ERGIC2: variants seen among roughly 807,000 people sequenced by gnomAD.
ERGIC2 encodes endoplasmic reticulum-Golgi intermediate compartment protein 2.
ERGIC2 carries 31 observed loss-of-function variants against 52.5 expected under a neutral mutation model. The ratio of observed to expected loss-of-function variants is 0.59; its 90% CI spans 0.44 to 0.80. The LOEUF is 0.80. Ranked by LOEUF, ERGIC2 falls within the 30% of genes least tolerant of loss-of-function variation. The pLI is 0.00. For synonymous variants in ERGIC2, 129 were observed against 140.6 expected, an observed-to-expected ratio of 0.92 and a Z score of 0.58; for missense variants, 395 against 455.2, an observed-to-expected ratio of 0.87 and a Z score of 1.20.
At chr12:29,376,948 T>C (rs999319854) in intron 1 of ERGIC2, among the ~76,000 whole-genome samples, 7 of 152,210 alleles carry the variant, frequency 4.6e-5, no homozygotes, top group Non-Finnish European at 1.0e-4. Context: ...GCCTTTCCTT[T>C]ATGAAATGAT....
intron 1 of ERGIC2, among the ~76,000 whole-genome samples, chr12:29,378,447 A>G (rs895743926): frequency 6.6e-6 from 1 of 152,170 alleles, no homozygotes; most frequent in African/African-American, 2.4e-5. Context: ...AGGCAATATA[A>G]TTCAGGCCAT....
At chr12:29,352,617 T>A (rs1940148174) in intron 8 of ERGIC2, among the ~76,000 whole-genome samples, 1 of 152,152 alleles carries the variant, frequency 6.6e-6, no homozygotes, top group Non-Finnish European at 1.5e-5. Context: ...TGAGCCCAGA[T>A]CACGTCACTG....
intron 3 of ERGIC2, 113 bp from the exon 4 acceptor site, chr12:29,368,400 G>C (rs930546972): frequency 1.7e-6 from 1 of 595,344 alleles, no homozygotes; most frequent in Non-Finnish European, 3.0e-6. Context: ...AAATTATGTC[G>C]ATTAGAACTT....
rs904095107 is a variant in ERGIC2 at position 29,340,519 on chromosome 12, T to C, written c.*637A>G. Reference sequence around the variant, plus strand: ...AATTTACCTTAGTCTTCTAAGACTCTATCTTCAACAGTTAGATAAGTCAAT... The same window carrying C: ...AATTTACCTTAGTCTTCTAAGACTCCATCTTCAACAGTTAGATAAGTCAAT... On this transcript the variant is annotated 3_prime_UTR_variant, in exon 14 of 14. Transcript: ENST00000360150. 7 of 175,470 alleles carry C rather than the reference T, an allele frequency of 4.0e-5. No homozygotes were observed. The highest frequency in any genetic ancestry group is 1.7e-4 in the African/African-American group (7 of 41,620). The allele number at this position is 175,470 out of a possible 1,614,324, so 10.9% of individuals were successfully genotyped here.
intron 5 of ERGIC2, among the ~76,000 whole-genome samples, chr12:29,364,455 C>T (rs886781388): frequency 3.3e-5 from 5 of 152,036 alleles, no homozygotes; most frequent in African/African-American, 1.2e-4. Context: ...CAAAAATTAA[C>T]TCAAGATGGG....
chr12:29,356,980 T>TC (rs1240066525), intron 7 of ERGIC2, among the ~76,000 whole-genome samples: 1 of 152,010 alleles, frequency 6.6e-6, no homozygotes, highest in Non-Finnish European at 1.5e-5. Context: ...TTTTTTTTTT[T>TC]CTTTTGAGAC....
chr12:29,380,215 G>A (rs1020994644), intron 1 of ERGIC2, among the ~76,000 whole-genome samples: 65 of 152,228 alleles, frequency 4.3e-4, no homozygotes, highest in African/African-American at 1.6e-3. Flanking sequence ...AAATAACCAT[G>A]TCTTTTTTCA....
chr12:29,373,468 A>G (rs1940471500), intron 1 of ERGIC2, among the ~76,000 whole-genome samples: 1 of 152,224 alleles, frequency 6.6e-6, no homozygotes, highest in Non-Finnish European at 1.5e-5. Flanking sequence ...TGGGTCTGAA[A>G]TCTAATGGGG....
At position 29,339,630 on chromosome 12, in the gene ERGIC2, A is replaced by AT. The variant is rs1202455459; in HGVS notation, c.*1525dup. Reference sequence around the variant, plus strand: ...TTAACGTCATGGCTCTTAATGATATATTTTTTAAAGTGATGCTTCTGTTAT... The same window carrying AT: ...TTAACGTCATGGCTCTTAATGATATATTTTTTTAAAGTGATGCTTCTGTTAT... On this transcript the variant is annotated 3_prime_UTR_variant, in exon 14 of 14. Coordinates refer to ENST00000360150, the MANE Select transcript of ERGIC2 (RefSeq NM_016570.3). 3 of 152,140 alleles carry AT rather than the reference A, an allele frequency of 2.0e-5. No individual in the cohort carries two copies. The highest frequency in any genetic ancestry group is 7.2e-5 in the African/African-American group (3 of 41,442). 9.4% of individuals were successfully genotyped at this position (152,140 alleles called of 1,614,324 possible).
chr12:29,370,256 T>C, intron 2 of ERGIC2, 34 bp from the exon 3 acceptor site: 2 of 1,508,698 alleles, frequency 1.3e-6, no homozygotes, highest in Non-Finnish European at 1.8e-6. Context: ...AAAACAGAAT[T>C]AAAACAATAA....
chr12:29,348,660 C>T (rs895655748), intron 10 of ERGIC2, among the ~76,000 whole-genome samples: 14 of 152,026 alleles, frequency 9.2e-5, no homozygotes, highest in Non-Finnish European at 1.6e-4. Context: ...AGAGAGGTTT[C>T]TGAAATGATA....
intron 5 of ERGIC2, 79 bp from the exon 6 acceptor site, chr12:29,361,764 G>A: frequency 1.7e-6 from 2 of 1,202,540 alleles, no homozygotes; most frequent in African/African-American, 3.1e-5. Context: ...TTTTTTCTTT[G>A]AGCAGGAAAC....
At chr12:29,342,975 A>G (rs1040511614) in intron 12 of ERGIC2, 145 bp downstream of exon 12, 3 of 563,996 alleles carry the variant, frequency 5.3e-6, no homozygotes, top group African/African-American at 3.8e-5. Context: ...GTTAGTCAAT[A>G]TAATTTTGGA....
rs550795140 is a variant in ERGIC2 at position 29,360,156 on chromosome 12, T to C, written c.374+1489A>G. ...CTAATATAGCCTTTTGGAGTATAAG[T>C]GAAATAATAATTTGGGAGGATATAG... On this transcript the variant is annotated intron_variant, in intron 6 of 13. Transcript: ENST00000360150. 3.4e-3 allele frequency among the ~76,000 whole-genome samples: 518 copies of C among 152,152 alleles called. 5 individuals carry two copies. Among genetic ancestry groups the C allele is most frequent in the African/African-American group, 0.012 (488 of 41,548 alleles).
chr12:29,352,949 C>T (rs1391563971), intron 8 of ERGIC2, among the ~76,000 whole-genome samples: 1 of 152,152 alleles, frequency 6.6e-6, no homozygotes, highest in Admixed American at 6.5e-5. Flanking sequence ...TACCCAGTTA[C>T]TAATTCTAGC....
At position 29,363,835 on chromosome 12, in the gene ERGIC2, G is replaced by GAA. The variant is rs71042988; in HGVS notation, c.334-2152_334-2151dup. On this transcript the variant is annotated intron_variant, in intron 5 of 13. Transcript: ENST00000360150. ...ATAGCATCAGGCATCTCATAAATGT[G>GAA]AAAAAAAAAAAAAAAGAGAGTGACC... 1.0e-4 allele frequency among the ~76,000 whole-genome samples: 13 copies of GAA among 129,548 alleles called. No homozygotes were observed. The South Asian group carries it at 1.2e-3, about 12-fold the overall frequency. The allele number at this position is 129,548 out of a possible 152,430, so 85.0% of individuals were successfully genotyped here. A position where few individuals can be genotyped will look rare whatever the true frequency, so the allele number is the denominator to read the frequency against.
At chr12:29,356,665 A>G (rs1332043030) in intron 7 of ERGIC2, among the ~76,000 whole-genome samples, 188 bp from the exon 8 acceptor site, 3 of 152,218 alleles carry the variant, frequency 2.0e-5, no homozygotes, top group Non-Finnish European at 4.4e-5. Flanking sequence ...ATGGGAAAAA[A>G]GTATTTAATA....
chr12:29,350,546 T>G (rs1261768424), intron 8 of ERGIC2, among the ~76,000 whole-genome samples: 1 of 152,080 alleles, frequency 6.6e-6, no homozygotes, highest in Non-Finnish European at 1.5e-5. Flanking sequence ...TTTGAAAATA[T>G]TAATCCACGA....
At position 29,341,123 on chromosome 12, in the gene ERGIC2, G is replaced by A. The variant is rs1217305848; in HGVS notation, c.*33C>T. ...TATTAAAAAAAGGTTTTATGTCTCA[G>A]GCAAAAAGTTTTTCTCCTTCAATCG... On this transcript the variant is annotated 3_prime_UTR_variant, in exon 14 of 14. Transcript: ENST00000360150. 1.3e-6 allele frequency: 2 copies of A among 1,501,474 alleles called. No individual in the cohort carries two copies. Among genetic ancestry groups the A allele is most frequent in the Non-Finnish European group, 9.2e-7 (1 of 1,089,702 alleles). The allele number at this position is 1,501,474 out of a possible 1,614,324, so 93.0% of individuals were successfully genotyped here. A position where few individuals can be genotyped will look rare whatever the true frequency, so the allele number is the denominator to read the frequency against.
Sources: allele counts gnomAD v4.1 joint callset (sites outside exome capture counted in the v4.1 genomes callset), GRCh38; gene constraint gnomAD v4.1.1; transcripts MANE v1.5; gene names NCBI Gene and HGNC (gene_info 2026-07-23, HGNC 2026-07-21).